ZC3H13: variants seen among roughly 807,000 people sequenced by gnomAD.
ZC3H13 encodes zinc finger CCCH-type containing 13.
Under a neutral mutation model 204.1 loss-of-function variants are expected in ZC3H13, and 64 were observed. The observed-to-expected ratio is 0.31, with a 90% confidence interval of 0.26 to 0.39. ZC3H13 has a LOEUF of 0.39. Among genes scored for constraint, ZC3H13 ranks in the 10% least tolerant of loss-of-function variants. ZC3H13 has a pLI of 1.00. For synonymous variants in ZC3H13, 667 were observed against 693.7 expected (o/e 0.96, Z 0.60); for missense variants, 1,833 against 2,082.7 (o/e 0.88, Z 2.33).
Position 46,003,280 on chromosome 13 carries a change from G to A in ZC3H13, c.803C>T (p.Pro268Leu), listed in dbSNP as rs762112950. Residue 268 changes from proline to leucine, a missense_variant, in exon 8 of 19, where the codon CCT (proline) becomes CTT (leucine). Physicochemically the swap from Pro to Leu is moderately conservative, Grantham distance 98. Coordinates refer to ENST00000679008, the MANE Select transcript of ZC3H13 (RefSeq NM_001330564.2). ...CAGAGCGATATCTTCTGGTATAGGA[G>A]GGGGTGGACTAGGAGTACGTGGTCC... is the stretch of plus-strand genomic sequence containing the variant. Reference protein sequence around the residue: ...KKGPRTPSPPPPIPEDIALGK... With the variant: ...KKGPRTPSPPLPIPEDIALGK... 4.3e-6 allele frequency: 7 copies of A among 1,612,600 alleles called. No individual in the cohort carries two copies. The highest frequency in any genetic ancestry group is 1.3e-5 in the African/African-American group (1 of 74,736).
At chr13:46,043,157 C>T (rs80288030) in intron 3 of ZC3H13, among the ~76,000 whole-genome samples, 1,663 of 151,992 alleles carry the variant, frequency 0.011, 11 homozygotes, top group Non-Finnish European at 0.019. Flanking sequence ...TCCTCTTTGA[C>T]TACCAAAAAG....
At chr13:45,962,323 G>A (rs1256115719) in intron 17 of ZC3H13, 1 of 985,278 alleles carries the variant, frequency 1.0e-6, no homozygotes, top group East Asian at 1.1e-4. Context: ...TTTAGGTTAA[G>A]TCATCAATAA....
rs138616856 is a variant in ZC3H13 at position 45,982,491 on chromosome 13, G to A, written c.1721-2487C>T. 1.3e-3 allele frequency among the ~76,000 whole-genome samples: 200 copies of A among 152,198 alleles called. 1 individual carries two copies. Among genetic ancestry groups the A allele is most frequent in the African/African-American group, 4.6e-3 (193 of 41,554 alleles). On this transcript the variant is annotated intron_variant, in intron 10 of 18. Coordinates refer to ENST00000679008, the MANE Select transcript of ZC3H13 (RefSeq NM_001330564.2). ...TTTAATCTGTCTAAAACTATATGTT[G>A]TTTAGAGTTACATTTAAAAAAAAAT...
At chr13:46,036,153 A>G (rs1011013874) in intron 4 of ZC3H13, among the ~76,000 whole-genome samples, 3 of 147,486 alleles carry the variant, frequency 2.0e-5, no homozygotes, top group African/African-American at 5.1e-5. Context: ...GTGTCAAGAA[A>G]AAAAAAAAAA....
Position 46,005,868 on chromosome 13 carries a change from C to T in ZC3H13, c.747-2532G>A, listed in dbSNP as rs575166794. Among the ~76,000 whole-genome samples the T allele has an allele frequency of 2.6e-5, 4 of 152,040 alleles. No individual in the cohort carries two copies. The South Asian group carries it at 8.3e-4, about 32-fold the overall frequency. On this transcript the variant is annotated intron_variant, in intron 7 of 18. Transcript: ENST00000679008. ...CAGCACTTTGAAAGGCCAAGGTGGG[C>T]GGATCGTGAGGCGGTCAGGAGTTCG...
chr13:46,006,187 A>G (rs2041137043), intron 7 of ZC3H13, among the ~76,000 whole-genome samples: 1 of 151,882 alleles, frequency 6.6e-6, no homozygotes, highest in South Asian at 2.1e-4. Flanking sequence ...GCACAAGAAG[A>G]CAGCTTCGAC....
intron 4 of ZC3H13, among the ~76,000 whole-genome samples, chr13:46,032,540 G>T (rs191082254): frequency 1.6e-4 from 24 of 152,172 alleles, no homozygotes; most frequent in African/African-American, 5.5e-4. Context: ...ACAAAGCAAA[G>T]ATAAAGTAAT....
chr13:46,048,977 C>T (rs930713400), intron 1 of ZC3H13, among the ~76,000 whole-genome samples: 13 of 152,040 alleles, frequency 8.6e-5, no homozygotes, highest in South Asian at 2.1e-4. Context: ...CATGGTGAAA[C>T]CCCGTCTCTA....
intron 1 of ZC3H13, among the ~76,000 whole-genome samples, chr13:46,049,835 T>A (rs1171547758): frequency 1.3e-5 from 2 of 152,164 alleles, no homozygotes; most frequent in Non-Finnish European, 2.9e-5. Flanking sequence ...GATAAAAATG[T>A]AAATACTAAA....
chr13:46,052,701 G>A lies in ZC3H13; in HGVS notation c.-307C>T, dbSNP rs1416884992. 3.8e-5 allele frequency: 15 copies of A among 398,456 alleles called. No individual in the cohort carries two copies. Among genetic ancestry groups the A allele is most frequent in the East Asian group, 2.5e-4 (7 of 28,070 alleles). The allele number at this position is 398,456 out of a possible 1,614,324, so 24.7% of individuals were successfully genotyped here. ...GAAAAGGCAACAAAAACACTACCAGGCCGCTAGGAGGACCGCCTCAAAATG... is the reference window on the plus strand; with the variant it reads ...GAAAAGGCAACAAAAACACTACCAGACCGCTAGGAGGACCGCCTCAAAATG... On this transcript the variant is annotated 5_prime_UTR_variant, in exon 1 of 19. Coordinates refer to ENST00000679008, the MANE Select transcript of ZC3H13 (RefSeq NM_001330564.2).
At chr13:45,958,621 C>T (rs545482164) in intron 18 of ZC3H13, among the ~76,000 whole-genome samples, 1 of 151,646 alleles carries the variant, frequency 6.6e-6, no homozygotes, top group East Asian at 1.9e-4. Flanking sequence ...TATACCCATC[C>T]ACTCACCACC....
chr13:45,989,241 CTAAG>C, intron 8 of ZC3H13, 144 bp from the exon 9 acceptor site: 2 of 862,794 alleles, frequency 2.3e-6, no homozygotes, highest in South Asian at 1.9e-5. Flanking sequence ...CTGTAAAATT[CTAAG>C]TAAGTCACTT....
chr13:45,974,201 C>A (rs1952824003), intron 12 of ZC3H13, among the ~76,000 whole-genome samples: 1 of 152,186 alleles, frequency 6.6e-6, no homozygotes, highest in Non-Finnish European at 1.5e-5. Flanking sequence ...GCCCACAGAA[C>A]TTCAAAATTG....
chr13:45,980,544 A>G (rs1221730436), intron 10 of ZC3H13, among the ~76,000 whole-genome samples: 1 of 152,240 alleles, frequency 6.6e-6, no homozygotes, highest in Non-Finnish European at 1.5e-5. Flanking sequence ...ATGGATGAAC[A>G]GTTAAACAAA....
At chr13:46,002,239 C>T (rs777875710) in intron 8 of ZC3H13, among the ~76,000 whole-genome samples, 3 of 152,036 alleles carry the variant, frequency 2.0e-5, no homozygotes, top group Non-Finnish European at 2.9e-5. Flanking sequence ...CACACCTATT[C>T]GAATGGCGAC....
rs1461896702 is a variant in ZC3H13 at position 45,960,723 on chromosome 13, G to A, written c.4676-1077C>T. Among the ~76,000 whole-genome samples, 10 of 152,162 alleles carry A rather than the reference G, an allele frequency of 6.6e-5. No homozygotes were observed. In the East Asian group the frequency reaches 1.7e-3, roughly 26 times the overall value. The stretch of plus-strand genomic sequence containing the variant: ...ATAAATAAGAGTCGGTCAAGAGTAC[G>A]AAAGACAGCAGGTACTGCCTCTATT... On this transcript the variant is annotated intron_variant, in intron 17 of 18. Coordinates refer to ENST00000679008, the MANE Select transcript of ZC3H13 (RefSeq NM_001330564.2).
chr13:45,981,363 T>C (rs1422806984), intron 10 of ZC3H13, among the ~76,000 whole-genome samples: 1 of 152,236 alleles, frequency 6.6e-6, no homozygotes, highest in African/African-American at 2.4e-5. Flanking sequence ...ATGTACCACA[T>C]TTTCTTAATC....
rs1951789159 is a variant in ZC3H13, at chr13:45,962,834, A to G, written c.4675+1008T>C. 3.0e-6 allele frequency: 3 copies of G among 985,280 alleles called. No individual in the cohort carries two copies. The South Asian group carries it at 1.4e-4, about 46-fold the overall frequency. The allele number at this position is 985,280 out of a possible 1,614,324, so 61.0% of individuals were successfully genotyped here. A position where few individuals can be genotyped will look rare whatever the true frequency, so the allele number is the denominator to read the frequency against. On this transcript the variant is annotated intron_variant, in intron 17 of 18. Coordinates refer to ENST00000679008, the MANE Select transcript of ZC3H13 (RefSeq NM_001330564.2). ...TTACCTCCTTTTCCTTCTTTTTACC[A>G]TCTACTCGTCCCTCCCCATTAATAA...
chr13:46,040,350 T>C (rs1255621266), intron 4 of ZC3H13, among the ~76,000 whole-genome samples: 1 of 152,110 alleles, frequency 6.6e-6, no homozygotes, highest in Non-Finnish European at 1.5e-5. Flanking sequence ...ATTCAGTAAC[T>C]TTCATAAAAA....
Sources: gnomAD v4.1 joint callset for allele counts (sites outside exome capture counted in the v4.1 genomes callset) on GRCh38, gnomAD v4.1.1 for gene constraint, MANE v1.5 for transcripts, NCBI Gene and HGNC (gene_info 2026-07-23, HGNC 2026-07-21) for gene names.